Variants in SCML4 observed in about 807,000 individuals in gnomAD.
SCML4 encodes sex comb on midleg-like protein 4.
SCML4 carries 34 observed loss-of-function variants against 41.1 expected under a neutral mutation model. That is an observed-to-expected ratio of 0.83 (90% CI 0.63 to 1.10). The LOEUF (loss-of-function observed/expected upper bound fraction) is 1.10, where lower values mean the gene tolerates loss of function less well. Ranked by LOEUF, SCML4 falls within the 50% of genes least tolerant of loss-of-function variation. SCML4 has a pLI of 0.00. For missense variants in SCML4, 522 were observed against 534.1 expected, an observed-to-expected ratio of 0.98 and a Z score of 0.22; for synonymous variants, 214 against 220.9, an observed-to-expected ratio of 0.97 and a Z score of 0.28.
intron 1 of SCML4, among the ~76,000 whole-genome samples, chr6:107,806,164 A>C (rs1326513168): frequency 7.2e-6 from 1 of 138,988 alleles, no homozygotes; most frequent in Non-Finnish European, 1.5e-5. Flanking sequence ...TTCTCAACTC[A>C]AGGACAATCA....
chr6:107,745,223 C>T (rs923535708), intron 4 of SCML4, 80 bp from the exon 5 acceptor site: 22 of 1,090,572 alleles, frequency 2.0e-5, no homozygotes, highest in African/African-American at 1.4e-4. Context: ...GAGGATTTTT[C>T]GTTTGTTCAT....
intron 2 of SCML4, among the ~76,000 whole-genome samples, chr6:107,750,895 T>C (rs1778557974): frequency 6.6e-6 from 1 of 152,224 alleles, no homozygotes; most frequent in African/African-American, 2.4e-5. Flanking sequence ...TTAACATGTG[T>C]GCAGTCCTCA....
chr6:107,764,624 C>T (rs1428546986), intron 2 of SCML4, among the ~76,000 whole-genome samples: 1 of 151,734 alleles, frequency 6.6e-6, no homozygotes, highest in Non-Finnish European at 1.5e-5. Context: ...AGAGAGGAGA[C>T]AATGAAGCCA....
rs746008202 is a variant in SCML4 at position 107,746,727 on chromosome 6, G to C, written c.449C>G (p.Ser150Cys). The C allele has an allele frequency of 1.1e-5, 17 of 1,614,048 alleles. No individual in the cohort carries two copies. Among genetic ancestry groups the C allele is most frequent in the Non-Finnish European group, 1.4e-5 (17 of 1,180,026 alleles). The change falls in exon 4 of 8, where the codon TCC (serine) becomes TGC (cysteine). Residue 150 changes from serine to cysteine, a missense_variant. By Grantham distance (112) the Ser-to-Cys change is moderately radical (BLOSUM62 -1). Coordinates refer to ENST00000369020, the MANE Select transcript of SCML4 (RefSeq NM_198081.5). Reference sequence around the variant, plus strand: ...ACCACCATAGCCCTGCTTGACCAGGGAGAAGACCAGCTTCTGCTGGTGGGC... The same window carrying C: ...ACCACCATAGCCCTGCTTGACCAGGCAGAAGACCAGCTTCTGCTGGTGGGC... The part of the protein sequence containing the change: ...DCAHQQKLVF[S>C]LVKQGYGGEM...
rs536904738 is a variant in SCML4, at chr6:107,766,695, C to T, written c.156+5477G>A. Among the ~76,000 whole-genome samples, 4 of 152,332 alleles carry T rather than the reference C, an allele frequency of 2.6e-5. No individual in the cohort carries two copies. The South Asian group carries it at 8.3e-4, about 32-fold the overall frequency. ...CTCAGATCCACCTCTGAGCCTCACCCCTGACCCCTGTTCCAGCCCTGGGTG... is the reference window on the plus strand; with the variant it reads ...CTCAGATCCACCTCTGAGCCTCACCTCTGACCCCTGTTCCAGCCCTGGGTG... On this transcript the variant is annotated intron_variant, in intron 2 of 7. Transcript: ENST00000369020.
Position 107,810,666 on chromosome 6 carries a change from C to T in SCML4, c.-60+13460G>A, listed in dbSNP as rs531892357. ...ATAGGCCATTATGAAACATATTTAC[C>T]ATTGATCGCTTATAGGGAAATAGAT... On this transcript the variant is annotated intron_variant, in intron 1 of 7. Coordinates refer to ENST00000369020, the MANE Select transcript of SCML4 (RefSeq NM_198081.5). 1.5e-4 allele frequency among the ~76,000 whole-genome samples: 23 copies of T among 152,186 alleles called. No homozygotes were observed. In the South Asian group the frequency reaches 4.6e-3, roughly 30 times the overall value.
intron 3 of SCML4, among the ~76,000 whole-genome samples, chr6:107,747,214 T>C (rs1368256737): frequency 6.6e-6 from 1 of 152,220 alleles, no homozygotes; most frequent in Non-Finnish European, 1.5e-5. Context: ...GGTATTTCCA[T>C]GCTGGGAAAA....
At chr6:107,828,730 T>C (rs1785320623), upstream of SCML4, among the ~76,000 whole-genome samples, 1 of 152,216 alleles carries the variant, frequency 6.6e-6, no homozygotes, top group Non-Finnish European at 1.5e-5. Context: ...AGGCTTATGA[T>C]TACCATTTTG....
chr6:107,795,819 G>A (rs998240761), intron 1 of SCML4, among the ~76,000 whole-genome samples: 1 of 152,282 alleles, frequency 6.6e-6, no homozygotes, highest in Middle Eastern at 3.4e-3. Context: ...GAGCCACCGC[G>A]CCCAGCCAGA....
At chr6:107,713,251 C>CTG (rs1774400468) in intron 6 of SCML4, among the ~76,000 whole-genome samples, 1 of 152,218 alleles carries the variant, frequency 6.6e-6, no homozygotes, top group African/African-American at 2.4e-5. Context: ...CTTTAGCTAA[C>CTG]AACAGAGTCA....
intron 2 of SCML4, among the ~76,000 whole-genome samples, chr6:107,751,136 G>A (rs1057280827): frequency 2.0e-5 from 3 of 152,108 alleles, no homozygotes; most frequent in African/African-American, 7.2e-5. Context: ...TATTCTGTTG[G>A]GGGGAGACAG....
intron 1 of SCML4, among the ~76,000 whole-genome samples, chr6:107,779,573 T>C (rs1376659027): frequency 6.6e-6 from 1 of 152,166 alleles, no homozygotes; most frequent in Admixed American, 6.5e-5. Context: ...CTAAGTTGTT[T>C]CCTTCTATTA....
chr6:107,796,332 G>A (rs915048245), intron 1 of SCML4, among the ~76,000 whole-genome samples: 19 of 152,186 alleles, frequency 1.2e-4, no homozygotes, highest in African/African-American at 4.3e-4. Flanking sequence ...AATTGGAGCT[G>A]TCAGTCTTTC....
chr6:107,807,004 G>A (rs1276507201), intron 1 of SCML4, among the ~76,000 whole-genome samples: 1 of 151,936 alleles, frequency 6.6e-6, no homozygotes, highest in African/African-American at 2.4e-5. Flanking sequence ...GGGAGAGGAG[G>A]GAAATTTAAA....
Position 107,749,625 on chromosome 6 carries a change from G to T in SCML4, c.286+59C>A, listed in dbSNP as rs1583481612. ...TTAATCCACAAAGTAACAATTAGAT[G>T]GTAGCTGCCCTGTTCTCTACAGACC... On this transcript the variant is annotated intron_variant, in intron 3 of 7. Transcript: ENST00000369020. 1.9e-6 allele frequency: 3 copies of T among 1,580,946 alleles called. No homozygotes were observed. The East Asian group carries it at 6.7e-5, about 35-fold the overall frequency.
chr6:107,776,273 A>C (rs1780939537), intron 1 of SCML4, among the ~76,000 whole-genome samples: 1 of 152,210 alleles, frequency 6.6e-6, no homozygotes, highest in Admixed American at 6.5e-5. Flanking sequence ...AATACAAAGA[A>C]CTGCAAATTA....
chr6:107,836,094 AT>A, the SCML4 span, among the ~76,000 whole-genome samples: 2 of 151,756 alleles, frequency 1.3e-5, no homozygotes, highest in Non-Finnish European at 2.9e-5. Flanking sequence ...GATGGCAGCA[AT>A]TTTTGCTCCT....
intron 7 of SCML4, 77 bp downstream of exon 7, chr6:107,707,789 G>T (rs3734750): frequency 1.3e-6 from 2 of 1,533,290 alleles, no homozygotes; most frequent in Non-Finnish European, 8.8e-7. Context: ...GCAGCATCCC[G>T]CAGCTCCCTG....
Position 107,717,143 on chromosome 6 carries a change from C to CAAA in SCML4, c.973+3557_973+3559dup, listed in dbSNP as rs546258538. 2.8e-4 allele frequency among the ~76,000 whole-genome samples: 18 copies of CAAA among 63,536 alleles called. 1 individual carries two copies. Among genetic ancestry groups the CAAA allele is most frequent in the African/African-American group, 1.3e-3 (17 of 12,684 alleles). 41.7% of individuals were successfully genotyped at this position (63,536 alleles called of 152,430 possible). A position where few individuals can be genotyped will look rare whatever the true frequency, so the allele number is the denominator to read the frequency against. Reference sequence around the variant, plus strand: ...TGAAACCCCGTCTCTACTAAAAATACAAAAAAAAAAAAAAAAAAAAAAAAA... The same window carrying CAAA: ...TGAAACCCCGTCTCTACTAAAAATACAAAAAAAAAAAAAAAAAAAAAAAAAAAA... On this transcript the variant is annotated intron_variant, in intron 6 of 7. Transcript: ENST00000369020.
Sources: allele counts gnomAD v4.1 joint callset (sites outside exome capture counted in the v4.1 genomes callset), GRCh38; gene constraint gnomAD v4.1.1; transcripts MANE v1.5; gene names NCBI Gene and HGNC (gene_info 2026-07-23, HGNC 2026-07-21).